TBXAS1: variants seen among roughly 807,000 people sequenced by gnomAD.
TBXAS1 encodes thromboxane A synthase 1, also known as thromboxane-A synthase.
TBXAS1 carries 48 observed loss-of-function variants against 60.7 expected under a neutral mutation model. That is an observed-to-expected ratio of 0.79 (90% CI 0.63 to 1.01). TBXAS1 has a LOEUF of 1.01. TBXAS1 is among the 50% of genes least tolerant of loss of function. The pLI, the probability that TBXAS1 is intolerant of heterozygous loss-of-function variation, is 0.00. For missense variants in TBXAS1, 685 were observed against 686.3 expected, an observed-to-expected ratio of 1.00 and a Z score of 0.02; for synonymous variants, 287 against 269.7, an observed-to-expected ratio of 1.06 and a Z score of -0.63.
Position 140,020,276 on chromosome 7 carries a change from TG to T in TBXAS1, c.*179del. 1.4e-6 allele frequency: 1 copy of T among 722,654 alleles called. No homozygotes were observed. Among genetic ancestry groups the T allele is most frequent in the Non-Finnish European group, 2.5e-6 (1 of 406,132 alleles). 44.8% of individuals were successfully genotyped at this position (722,654 alleles called of 1,614,324 possible). On this transcript the variant is annotated 3_prime_UTR_variant, in exon 13 of 13. Transcript: ENST00000448866. The stretch of plus-strand genomic sequence containing the variant: ...ATGCTTAATAAACGTTTGTTGCACT[TG>T]GTTTTGACATTGCCAATGGGGTTTG...
chr7:139,870,950 G>T (rs1264553964), intron 1 of TBXAS1, among the ~76,000 whole-genome samples: 1 of 152,186 alleles, frequency 6.6e-6, no homozygotes, highest in African/African-American at 2.4e-5. Flanking sequence ...CTAGTTGGGA[G>T]TGGTGGCACA....
chr7:139,889,164 T>C (rs1372008966), intron 3 of TBXAS1, among the ~76,000 whole-genome samples: 2 of 151,860 alleles, frequency 1.3e-5, no homozygotes, highest in Non-Finnish European at 2.9e-5. Context: ...AAACCACATC[T>C]CTACAAAAAA....
intron 1 of TBXAS1, among the ~76,000 whole-genome samples, chr7:139,835,547 T>C (rs2116525421): frequency 6.6e-6 from 1 of 152,322 alleles, no homozygotes; most frequent in South Asian, 2.1e-4. Flanking sequence ...TGATAATAGA[T>C]GCAGAAAAAG....
chr7:139,935,892 T>C (rs770651942), intron 4 of TBXAS1, among the ~76,000 whole-genome samples: 4 of 152,140 alleles, frequency 2.6e-5, no homozygotes, highest in African/African-American at 2.4e-5. Context: ...CCCTGCTCAG[T>C]AGGGGGACTG....
intron 9 of TBXAS1, among the ~76,000 whole-genome samples, chr7:139,963,469 C>A (rs1023776907): frequency 6.6e-6 from 1 of 152,196 alleles, no homozygotes; most frequent in Non-Finnish European, 1.5e-5. Context: ...GACTTCCCTC[C>A]AGATTGACAT....
Position 139,916,651 on chromosome 7 carries a change from A to G in TBXAS1, c.333+5330A>G, listed in dbSNP as rs1370310796. Among the ~76,000 whole-genome samples the G allele has an allele frequency of 6.6e-6, 1 of 152,236 alleles. No homozygotes were observed. Among genetic ancestry groups the G allele is most frequent in the African/African-American group, 2.4e-5 (1 of 41,458 alleles). ...ACTGTGAAACCACAAACTCCTTGGC[A>G]TTGGTGAAGATGACTAAAGTTATAG... On this transcript the variant is annotated intron_variant, in intron 4 of 12. Coordinates refer to ENST00000448866, the MANE Select transcript of TBXAS1 (RefSeq NM_001061.7). This position sits in a 1 kb window ranked among gnomAD's most constrained non-coding sequence, Gnocchi z 4.2.
intron 4 of TBXAS1, among the ~76,000 whole-genome samples, chr7:139,805,712 T>TTCTTTTTCTTTCTC (rs753031062): frequency 2.3e-5 from 1 of 44,318 alleles, no homozygotes; most frequent in African/African-American, 8.1e-5. Flanking sequence ...CTTTCTTTCT[T>TTCTTTTTCTTTCTC]TCTCTCTCTC....
chr7:139,903,527 T>C (rs2117005118), intron 3 of TBXAS1, among the ~76,000 whole-genome samples: 1 of 152,226 alleles, frequency 6.6e-6, no homozygotes, highest in East Asian at 1.9e-4. Flanking sequence ...CACACTGTTT[T>C]CCATACTGGC....
At chr7:139,883,420 T>A (rs971464435) in intron 3 of TBXAS1, among the ~76,000 whole-genome samples, 9 of 152,342 alleles carry the variant, frequency 5.9e-5, no homozygotes, top group Middle Eastern at 6.8e-3. Context: ...TTATACCAGT[T>A]CATTTCCCCC....
Position 140,013,043 on chromosome 7 carries a change from C to G in TBXAS1, c.1227-2680C>G, listed in dbSNP as rs1388432257. 6.6e-6 allele frequency among the ~76,000 whole-genome samples: 1 copy of G among 150,678 alleles called. No homozygotes were observed. The highest frequency in any genetic ancestry group is 6.6e-5 in the Admixed American group (1 of 15,092). On this transcript the variant is annotated intron_variant, in intron 10 of 12. Transcript: ENST00000448866. This position sits in a 1 kb window ranked among gnomAD's most constrained non-coding sequence, Gnocchi z 4.2. ...GCAAGATGAGTGAGCTGAGATCGCG[C>G]CACTGCACTCCAGCCTGGGCAACAG...
chr7:139,951,974 G>A lies in TBXAS1; in HGVS notation c.451-1394G>A, dbSNP rs1404456449. 5.6e-5 allele frequency among the ~76,000 whole-genome samples: 8 copies of A among 141,988 alleles called. 1 individual carries two copies. In the Admixed American group the frequency reaches 5.7e-4, roughly 10 times the overall value. 93.1% of individuals were successfully genotyped at this position (141,988 alleles called of 152,430 possible). On this transcript the variant is annotated intron_variant, in intron 5 of 12. Transcript: ENST00000448866. ...GAAAAGAAAGAAAGAAAGAAAGAAAGAAAGAAAGAAAGAAAGAAAGAAAGA... is the reference window on the plus strand; with the variant it reads ...GAAAAGAAAGAAAGAAAGAAAGAAAAAAAGAAAGAAAGAAAGAAAGAAAGA...
chr7:139,806,646 C>T (rs959727784), intron 4 of TBXAS1, among the ~76,000 whole-genome samples: 32 of 152,056 alleles, frequency 2.1e-4, no homozygotes, highest in Non-Finnish European at 4.7e-4. Context: ...CAGGTCTCTC[C>T]CTCTGCCCTG....
chr7:139,907,595 C>CT (rs1164257150), intron 3 of TBXAS1, among the ~76,000 whole-genome samples: 2 of 151,842 alleles, frequency 1.3e-5, no homozygotes. Flanking sequence ...GTTAATTCTT[C>CT]TTTTAATATT....
chr7:139,837,836 A>C (rs1232874381), intron 1 of TBXAS1, among the ~76,000 whole-genome samples: 1 of 152,148 alleles, frequency 6.6e-6, no homozygotes, highest in African/African-American at 2.4e-5. Context: ...AAACAAAACA[A>C]AACAAAAAAG....
chr7:139,846,948 C>T (rs1259259009), intron 1 of TBXAS1, among the ~76,000 whole-genome samples: 1 of 152,102 alleles, frequency 6.6e-6, no homozygotes, highest in African/African-American at 2.4e-5. Context: ...AGATGTCAGC[C>T]ACCTCTCTGG....
chr7:139,893,325 G>GACACACACAC (rs71170920), intron 3 of TBXAS1, among the ~76,000 whole-genome samples: 5,522 of 139,902 alleles, frequency 0.039, 153 homozygotes, highest in South Asian at 0.064. Context: ...CTATGGAATA[G>GACACACACAC]ACACACACAC....
intron 12 of TBXAS1, 92 bp downstream of exon 12, chr7:140,017,925 C>T (rs1815227527): frequency 6.4e-7 from 1 of 1,573,548 alleles, no homozygotes; most frequent in Non-Finnish European, 8.7e-7. Context: ...CTGGGGGCAA[C>T]ATCAGGCTCT....
intron 5 of TBXAS1, among the ~76,000 whole-genome samples, chr7:139,949,794 C>A (rs966817491): frequency 6.6e-6 from 1 of 152,172 alleles, no homozygotes; most frequent in African/African-American, 2.4e-5. Context: ...CCCCAGCTGA[C>A]TCATCAGTAA....
Position 140,000,691 on chromosome 7 carries a change from T to C in TBXAS1, c.1135-6400T>C, listed in dbSNP as rs528912699. On this transcript the variant is annotated intron_variant, in intron 9 of 12. Coordinates refer to ENST00000448866, the MANE Select transcript of TBXAS1 (RefSeq NM_001061.7). ...CTAGGTAAAGATTCTGTTTATTTTATTTCCATGTTTCCCAATATTTAATTT... is the reference window on the plus strand; with the variant it reads ...CTAGGTAAAGATTCTGTTTATTTTACTTCCATGTTTCCCAATATTTAATTT... Among the ~76,000 whole-genome samples, 22 of 152,340 alleles carry C rather than the reference T, an allele frequency of 1.4e-4. No homozygotes were observed. In the South Asian group the frequency reaches 4.1e-3, roughly 29 times the overall value.
Sources: allele counts gnomAD v4.1 joint callset (sites outside exome capture counted in the v4.1 genomes callset), GRCh38; gene constraint gnomAD v4.1.1; non-coding constraint Gnocchi (gnomAD v3.1); transcripts MANE v1.5; gene names NCBI Gene and HGNC (gene_info 2026-07-23, HGNC 2026-07-21).